The following GSE1 variants were observed in gnomAD, a reference collection of about 807,000 sequenced individuals.
GSE1 encodes the protein genetic suppressor element 1.
In GSE1, 32 loss-of-function variants were observed where a neutral mutation model predicts 112.6. The observed-to-expected ratio is 0.28, with a 90% CI of 0.21 to 0.38. GSE1 has a LOEUF of 0.38. GSE1 is among the 10% of genes least tolerant of loss of function. GSE1 has a pLI of 1.00. For synonymous variants in GSE1, 1,115 were observed against 735.6 expected (o/e 1.52, Z -8.35); for missense variants, 2,348 against 1,699.2 (o/e 1.38, Z -6.71).
intron 2 of GSE1, among the ~76,000 whole-genome samples, chr16:85,533,368 C>T (rs2044198643): frequency 6.6e-6 from 1 of 151,768 alleles, no homozygotes; most frequent in Non-Finnish European, 1.5e-5. Flanking sequence ...TGCAATGAGC[C>T]GAGATCGCAC....
At position 85,218,182 on chromosome 16, in the gene GSE1, A is replaced by G. The variant is rs549959360; in HGVS notation, c.2283+46375A>G. 3.7e-4 allele frequency among the ~76,000 whole-genome samples: 57 copies of G among 152,254 alleles called. No individual in the cohort carries two copies. In the South Asian group the frequency reaches 4.4e-3, roughly 12 times the overall value. On this transcript the variant is annotated intron_variant, in intron 1 of 2. Transcript: ENST00000637419. ...CTCCCAAAGTGCTGGGATTACAGAC[A>G]TGAATCACCACGCCTGGCTCGTTTC...
At chr16:85,565,698 C>T (rs2045718367) in intron 1 of GSE1, among the ~76,000 whole-genome samples, 1 of 152,144 alleles carries the variant, frequency 6.6e-6, no homozygotes, top group African/African-American at 2.4e-5. Context: ...GAGAACAGGC[C>T]TGACCCCTTC....
At position 85,657,476 on chromosome 16, in the gene GSE1, G is replaced by A. The variant is rs1364010868; in HGVS notation, c.1512G>A (p.Leu504=). The change falls in exon 8 of 16, where the codon CTG becomes CTA. Residue 504 remains leucine, a synonymous_variant. Transcript: ENST00000253458. ...EEKWLARQRR[L]RQEKEDRQSQ... is the part of the protein sequence containing the mutation. ...AGTGGCTGGCGCGGCAGCGGCGGCT[G>A]CGGCAGGAGAAGGAGGACCGGCAGT... 2 of 1,608,104 alleles carry A rather than the reference G, an allele frequency of 1.2e-6. No individual in the cohort carries two copies. The highest frequency in any genetic ancestry group is 1.7e-6 in the Non-Finnish European group (2 of 1,177,878).
At chr16:85,462,838 G>T (rs1385562959) in intron 2 of GSE1, among the ~76,000 whole-genome samples, 1 of 147,046 alleles carries the variant, frequency 6.8e-6, no homozygotes, top group Non-Finnish European at 1.5e-5. Flanking sequence ...GAGCGGCTGC[G>T]GGGCCCCCAG....
At chr16:85,397,509 G>A (rs2047995243) in intron 2 of GSE1, among the ~76,000 whole-genome samples, 1 of 152,198 alleles carries the variant, frequency 6.6e-6, no homozygotes, top group African/African-American at 2.4e-5. Flanking sequence ...TCTGGAGACT[G>A]AGCCCTCTGC....
chr16:85,667,363 C>A (rs74034023), intron 13 of GSE1, among the ~76,000 whole-genome samples: 16,440 of 152,298 alleles, frequency 0.11, 2,549 homozygotes, highest in African/African-American at 0.34. Context: ...GCTGCCATCC[C>A]CACGGGAGGC....
chr16:85,477,759 A>C (rs1166629071), intron 2 of GSE1, among the ~76,000 whole-genome samples: 1 of 151,182 alleles, frequency 6.6e-6, no homozygotes, highest in Non-Finnish European at 1.5e-5. Flanking sequence ...ACGGGGTTTC[A>C]CTATGCTGGC....
At chr16:85,546,686 C>T (rs1399116521) in intron 2 of GSE1, among the ~76,000 whole-genome samples, 4 of 152,198 alleles carry the variant, frequency 2.6e-5, no homozygotes, top group Admixed American at 1.3e-4. Context: ...CAGGCCTGGA[C>T]GCGGCCAGTG....
At chr16:85,398,510 C>T (rs2048018206) in intron 2 of GSE1, among the ~76,000 whole-genome samples, 2 of 152,258 alleles carry the variant, frequency 1.3e-5, no homozygotes. Flanking sequence ...CTGCAACCCC[C>T]TGAGGCTGTG....
chr16:85,542,264 G>T lies in GSE1; in HGVS notation c.2465-91650G>T, dbSNP rs1038319114. Among the ~76,000 whole-genome samples the T allele has an allele frequency of 3.9e-5, 6 of 152,340 alleles. No homozygotes were observed. The South Asian group carries it at 1.0e-3, about 26-fold the overall frequency. ...GCTGCACAGGGCAGCTTTCTCTTTG[G>T]AAACCCGTTCTGTTTCTTAAATGTC... On this transcript the variant is annotated intron_variant, in intron 2 of 2. Coordinates refer to the GSE1 transcript ENST00000637419.
At chr16:85,621,749 C>G (rs925995507) in intron 1 of GSE1, among the ~76,000 whole-genome samples, 2 of 152,168 alleles carry the variant, frequency 1.3e-5, no homozygotes, top group African/African-American at 2.4e-5. Context: ...TTGTGTCATC[C>G]GTGTCTCTTA....
intron 2 of GSE1, among the ~76,000 whole-genome samples, chr16:85,379,825 C>T (rs979007505): frequency 2.6e-5 from 4 of 152,190 alleles, no homozygotes; most frequent in Admixed American, 6.5e-5. Flanking sequence ...CTGTGCTCCT[C>T]CCCCAGCTCC....
At chr16:85,555,001 C>G, upstream of GSE1, 1 of 985,334 alleles carries the variant, frequency 1.0e-6, no homozygotes, top group Non-Finnish European at 1.2e-6. Context: ...ATGGATCTGC[C>G]GCCCGGCTCG....
chr16:85,487,286 G>T (rs1268613167), intron 2 of GSE1, among the ~76,000 whole-genome samples: 1 of 152,134 alleles, frequency 6.6e-6, no homozygotes, highest in African/African-American at 2.4e-5. Context: ...ACAGCCTTGC[G>T]TCTCCTCCCG....
At chr16:85,275,664 C>T (rs1909286622) in intron 1 of GSE1, among the ~76,000 whole-genome samples, 1 of 152,198 alleles carries the variant, frequency 6.6e-6, no homozygotes, top group South Asian at 2.1e-4. Flanking sequence ...CGTGGGGAGG[C>T]AGTCAGGGTG....
chr16:85,222,907 A>T (rs189881473), intron 1 of GSE1, among the ~76,000 whole-genome samples: 35 of 152,312 alleles, frequency 2.3e-4, no homozygotes, highest in African/African-American at 7.7e-4. Context: ...TTAGTTTTGC[A>T]TGCAAAAGAG....
At chr16:85,605,911 G>A (rs573881756) in intron 1 of GSE1, among the ~76,000 whole-genome samples, 1 of 152,144 alleles carries the variant, frequency 6.6e-6, no homozygotes, top group African/African-American at 2.4e-5. Context: ...ATAGTTTCCT[G>A]ATGGGAAGAA....
intron 1 of GSE1, among the ~76,000 whole-genome samples, chr16:85,626,313 C>T (rs140454895): frequency 0.013 from 1,914 of 152,298 alleles, 34 homozygotes; most frequent in African/African-American, 0.044. Flanking sequence ...CATGAAGCCG[C>T]CCAGGCTCCT....
At chr16:85,314,276 G>A (rs903013440) in intron 1 of GSE1, among the ~76,000 whole-genome samples, 1 of 152,160 alleles carries the variant, frequency 6.6e-6, no homozygotes, top group African/African-American at 2.4e-5. Context: ...CACACGTCTC[G>A]CCAAAATAGG....
Sources: allele counts gnomAD v4.1 joint callset (sites outside exome capture counted in the v4.1 genomes callset), GRCh38; gene constraint gnomAD v4.1.1; transcripts MANE v1.5; gene names NCBI Gene and HGNC (gene_info 2026-07-23, HGNC 2026-07-21).